Variants in ARID5B observed in about 807,000 individuals in gnomAD.
The protein encoded by ARID5B is AT-rich interactive domain-containing protein 5B.
In ARID5B, 13 loss-of-function variants were observed where a neutral mutation model predicts 97.2. The observed-to-expected ratio is 0.13, with a 90% CI of 0.09 to 0.21. The LOEUF is 0.21. ARID5B is among the 10% of genes least tolerant of loss of function. The probability of loss-of-function intolerance (pLI) is 1.00; values close to 1 mark genes in which losing one functional copy is unlikely to be tolerated. For missense variants in ARID5B, 1,210 were observed against 1,465.3 expected (o/e 0.83, Z 2.84); for synonymous variants, 556 against 570.3 (o/e 0.97, Z 0.36).
intron 2 of ARID5B, among the ~76,000 whole-genome samples, chr10:61,916,566 A>C (rs1843908317): frequency 6.6e-6 from 1 of 152,076 alleles, no homozygotes; most frequent in African/African-American, 2.4e-5. Context: ...TATCATCTCC[A>C]TTTTGCGGGA....
chr10:61,933,041 A>G (rs1427825919), intron 2 of ARID5B, among the ~76,000 whole-genome samples: 1 of 152,216 alleles, frequency 6.6e-6, no homozygotes, highest in Non-Finnish European at 1.5e-5. Context: ...AATGCACTCC[A>G]ACCTGGCCAA....
At chr10:62,006,924 C>T (rs1165503742) in intron 4 of ARID5B, among the ~76,000 whole-genome samples, 1 of 152,082 alleles carries the variant, frequency 6.6e-6, no homozygotes, top group East Asian at 1.9e-4. Flanking sequence ...GTACAATAAA[C>T]TTTTGTTCAC....
chr10:61,921,192 G>C (rs1844008410), intron 2 of ARID5B, among the ~76,000 whole-genome samples: 1 of 152,194 alleles, frequency 6.6e-6, no homozygotes, highest in African/African-American at 2.4e-5. Context: ...TTGTGTAACA[G>C]ATTACCCCAG....
At chr10:61,968,554 A>G (rs1273227483) in intron 3 of ARID5B, among the ~76,000 whole-genome samples, 14 of 151,980 alleles carry the variant, frequency 9.2e-5, no homozygotes, top group Non-Finnish European at 1.6e-4. Context: ...AAGGTATCCT[A>G]TTTCTAAGGC....
intron 3 of ARID5B, among the ~76,000 whole-genome samples, chr10:61,960,878 C>A (rs1838461302): frequency 6.6e-6 from 1 of 152,256 alleles, no homozygotes; most frequent in Admixed American, 6.5e-5. Context: ...CATAGACTAG[C>A]ACTCTGGATC....
chr10:62,068,251 T>C (rs1276745453), intron 7 of ARID5B, among the ~76,000 whole-genome samples: 1 of 152,228 alleles, frequency 6.6e-6, no homozygotes, highest in African/African-American at 2.4e-5. Flanking sequence ...AGGAGGATTT[T>C]ATTTTCAGTT....
chr10:61,951,705 C>G (rs530385655), intron 3 of ARID5B, among the ~76,000 whole-genome samples: 1 of 152,294 alleles, frequency 6.6e-6, no homozygotes, highest in South Asian at 2.1e-4. Flanking sequence ...CTATTTTCCT[C>G]CCACTCAGAA....
chr10:62,062,752 T>C (rs1440092283), intron 7 of ARID5B, among the ~76,000 whole-genome samples: 1 of 138,262 alleles, frequency 7.2e-6, no homozygotes, highest in Admixed American at 7.9e-5. Context: ...TACTCTCAAA[T>C]TATTTTTTCT....
At chr10:62,005,387 A>G (rs1261433851) in intron 4 of ARID5B, among the ~76,000 whole-genome samples, 1 of 151,908 alleles carries the variant, frequency 6.6e-6, no homozygotes, top group East Asian at 1.9e-4. Flanking sequence ...ATTTTAAAAA[A>G]CCCTCTTGAT....
intron 3 of ARID5B, among the ~76,000 whole-genome samples, chr10:61,975,104 C>T (rs1030060014): frequency 6.6e-6 from 1 of 152,006 alleles, no homozygotes; most frequent in African/African-American, 2.4e-5. Context: ...ATTAATTTGA[C>T]TTGTTCTATA....
intron 3 of ARID5B, among the ~76,000 whole-genome samples, chr10:61,963,414 G>T (rs1017035475): frequency 1.6e-4 from 24 of 152,070 alleles, no homozygotes; most frequent in Admixed American, 1.3e-3. Context: ...ACTGAAAGGG[G>T]CACAGACCCA....
intron 9 of ARID5B, among the ~76,000 whole-genome samples, chr10:62,089,283 CAA>C (rs1401967624): frequency 1.8e-4 from 27 of 151,600 alleles, no homozygotes; most frequent in African/African-American, 6.5e-4. Context: ...TGATGATAAG[CAA>C]AGTCTCTTAG....
intron 3 of ARID5B, among the ~76,000 whole-genome samples, chr10:61,984,791 A>G (rs1838824683): frequency 6.6e-6 from 1 of 152,140 alleles, no homozygotes; most frequent in South Asian, 2.1e-4. Context: ...TAAATTCCAG[A>G]GTCCTCACTG....
intron 7 of ARID5B, among the ~76,000 whole-genome samples, chr10:62,065,433 G>A (rs1051883698): frequency 5.9e-5 from 9 of 152,110 alleles, no homozygotes; most frequent in Admixed American, 6.5e-5. Context: ...CATAGTGCCC[G>A]AAAATGGTAA....
intron 4 of ARID5B, among the ~76,000 whole-genome samples, chr10:62,013,129 G>T (rs574140294): frequency 3.3e-5 from 5 of 152,092 alleles, no homozygotes; most frequent in African/African-American, 4.8e-5. Context: ...CCAGAGTTTC[G>T]CCTGGGCTCC....
At chr10:62,057,039 G>T in intron 5 of ARID5B, 78 bp from the exon 6 acceptor site, 1 of 1,394,382 alleles carries the variant, frequency 7.2e-7, no homozygotes, top group Non-Finnish European at 1.0e-6. Context: ...AAGTGTTGCT[G>T]GCTCTGTCAC....
intron 3 of ARID5B, among the ~76,000 whole-genome samples, chr10:61,986,384 C>T (rs984863379): frequency 3.0e-4 from 46 of 152,254 alleles, no homozygotes; most frequent in African/African-American, 1.1e-3. Flanking sequence ...GCATAATAAA[C>T]TATTTGTAAT....
chr10:62,084,731 A>G (rs761820268), intron 8 of ARID5B, among the ~76,000 whole-genome samples: 2 of 152,250 alleles, frequency 1.3e-5, no homozygotes, highest in Non-Finnish European at 2.9e-5. Context: ...TCGCAAAGGG[A>G]AAACAGATTA....
chr10:61,947,261 CTTTTTTTTT>C (rs199587188), intron 3 of ARID5B, among the ~76,000 whole-genome samples: 2,184 of 124,280 alleles, frequency 0.018, 52 homozygotes, highest in African/African-American at 0.062. Flanking sequence ...CACTTACTTT[CTTTTTTTTT>C]TTTTTTTTTT....
Sources: allele counts gnomAD v4.1 joint callset (sites outside exome capture counted in the v4.1 genomes callset), GRCh38; gene constraint gnomAD v4.1.1; transcripts MANE v1.5; gene names NCBI Gene and HGNC (gene_info 2026-07-23, HGNC 2026-07-21).